ABLIM1: variants seen among roughly 807,000 people sequenced by gnomAD.
The protein encoded by ABLIM1 is actin binding LIM protein 1.
In ABLIM1, 40 loss-of-function variants were observed where a neutral mutation model predicts 107.0. The observed-to-expected ratio is 0.37, with a 90% CI of 0.29 to 0.49. The LOEUF is 0.49. Among genes scored for constraint, ABLIM1 ranks in the 20% least tolerant of loss-of-function variants. The pLI, the probability that ABLIM1 is intolerant of heterozygous loss-of-function variation, is 0.97. For synonymous variants in ABLIM1, 357 were observed against 357.3 expected (o/e 1.00, Z 0.01); for missense variants, 857 against 1,008.5 (o/e 0.85, Z 2.04).
chr10:114,726,617 C>G (rs572002761), intron 1 of ABLIM1, among the ~76,000 whole-genome samples: 21 of 152,146 alleles, frequency 1.4e-4, no homozygotes, highest in African/African-American at 4.6e-4. Context: ...CCCGTCTCCA[C>G]TAAAAATACA....
rs184649874 is a variant in ABLIM1 at position 114,542,420 on chromosome 10, A to G, written c.894+2585T>C. On this transcript the variant is annotated intron_variant, in intron 6 of 22. Transcript: ENST00000533213. ...GCAAAACCTTGTCTCTAAAAAAAAA[A>G]AAGAAAGAAAGAAAAAAGAAAAAAA... 1.0e-3 allele frequency among the ~76,000 whole-genome samples: 150 copies of G among 148,744 alleles called. 2 individuals are homozygous for G. Among genetic ancestry groups the G allele is most frequent in the African/African-American group, 3.6e-3 (141 of 38,988 alleles).
At chr10:114,609,020 A>G (rs2076629226) in intron 1 of ABLIM1, among the ~76,000 whole-genome samples, 1 of 151,954 alleles carries the variant, frequency 6.6e-6, no homozygotes, top group Non-Finnish European at 1.5e-5. Context: ...AAAAAAAAAA[A>G]GTTCCAAATA....
chr10:114,707,625 C>T lies in ABLIM1; in HGVS notation c.-213+60436G>A, dbSNP rs2081450050. On this transcript the variant is annotated intron_variant, in intron 1 of 15. Transcript: ENST00000651092. This position sits in a 1 kb window ranked among gnomAD's most constrained non-coding sequence, Gnocchi z 4.1. ...CATAAAAAACTAATTACCGGCCGGG[C>T]ACGGTGGCTCACACTTATAATCCCA... Among the ~76,000 whole-genome samples the T allele has an allele frequency of 6.6e-6, 1 of 152,094 alleles. No homozygotes were observed. Among genetic ancestry groups the T allele is most frequent in the Admixed American group, 6.6e-5 (1 of 15,264 alleles).
intron 1 of ABLIM1, among the ~76,000 whole-genome samples, chr10:114,650,589 A>G (rs1336168042): frequency 1.3e-5 from 2 of 151,902 alleles, no homozygotes; most frequent in Non-Finnish European, 2.9e-5. Context: ...GCAACCATCA[A>G]TAAAACAAAA....
chr10:114,756,504 A>G (rs570648045), intron 1 of ABLIM1, among the ~76,000 whole-genome samples: 2 of 152,290 alleles, frequency 1.3e-5, no homozygotes, highest in African/African-American at 4.8e-5. Context: ...AGGGGAGATG[A>G]ACATTTTTAT....
intron 3 of ABLIM1, among the ~76,000 whole-genome samples, chr10:114,574,630 C>T (rs1415114381): frequency 2.6e-5 from 4 of 151,976 alleles, no homozygotes; most frequent in Non-Finnish European, 5.9e-5. Flanking sequence ...TTAGTAGAGA[C>T]AGGGTTTCAC....
chr10:114,580,854 G>C (rs1253799125), intron 2 of ABLIM1, among the ~76,000 whole-genome samples: 2 of 152,134 alleles, frequency 1.3e-5, no homozygotes, highest in African/African-American at 4.8e-5. Context: ...TACTTTGGGT[G>C]CTCCATTAGT....
intron 6 of ABLIM1, among the ~76,000 whole-genome samples, chr10:114,506,891 A>G (rs1374653672): frequency 1.3e-5 from 2 of 152,192 alleles, no homozygotes; most frequent in Non-Finnish European, 2.9e-5. Flanking sequence ...GTTCTAAAAT[A>G]AATCTTAAAG....
At position 114,473,870 on chromosome 10, in the gene ABLIM1, G is replaced by C. The variant is rs150657352; in HGVS notation, c.1119+9C>G. On this transcript the variant is annotated intron_variant, in intron 9 of 22. Transcript: ENST00000533213. ...CCCAGAAATGTCACTTCCAGAAGTA[G>C]ATACTTACATAGATAGTATGACCTG... 1,092 of 1,599,926 alleles carry C rather than the reference G, an allele frequency of 6.8e-4. 1 individual carries two copies. The highest frequency in any genetic ancestry group is 8.5e-4 in the Non-Finnish European group (991 of 1,168,814).
the ABLIM1 span, among the ~76,000 whole-genome samples, chr10:114,787,860 T>A: frequency 6.8e-6 from 1 of 147,706 alleles, no homozygotes; most frequent in Admixed American, 6.8e-5. Flanking sequence ...CGGGCCATGA[T>A]GACAATGGCA....
At chr10:114,637,561 C>T (rs981665459) in intron 1 of ABLIM1, among the ~76,000 whole-genome samples, 3 of 152,206 alleles carry the variant, frequency 2.0e-5, no homozygotes, top group African/African-American at 4.8e-5. Flanking sequence ...TGTATCCAAA[C>T]TTCTCCATGG....
At chr10:114,715,437 TA>T (rs2081640859) in intron 1 of ABLIM1, among the ~76,000 whole-genome samples, 1 of 152,186 alleles carries the variant, frequency 6.6e-6, no homozygotes, top group African/African-American at 2.4e-5. Context: ...CTTTCCTTAG[TA>T]AGAACCCATT....
intron 6 of ABLIM1, among the ~76,000 whole-genome samples, chr10:114,517,452 C>A (rs1032286899): frequency 6.6e-6 from 1 of 152,086 alleles, no homozygotes; most frequent in Admixed American, 6.5e-5. Flanking sequence ...CCCAGAAGAA[C>A]CCCCACTCCA....
At chr10:114,556,534 C>T (rs1043271067) in intron 4 of ABLIM1, among the ~76,000 whole-genome samples, 1 of 152,144 alleles carries the variant, frequency 6.6e-6, no homozygotes, top group African/African-American at 2.4e-5. Flanking sequence ...CATGAGTTTG[C>T]AACACATGGA....
chr10:114,616,149 A>G (rs762519265), intron 1 of ABLIM1, among the ~76,000 whole-genome samples: 21 of 152,204 alleles, frequency 1.4e-4, no homozygotes, highest in Non-Finnish European at 2.6e-4. Context: ...CTTGGGAGAC[A>G]TAGCAAGACC....
chr10:114,639,823 G>C (rs2078656004), intron 1 of ABLIM1, among the ~76,000 whole-genome samples: 1 of 152,222 alleles, frequency 6.6e-6, no homozygotes, highest in East Asian at 1.9e-4. Flanking sequence ...TGCAGTTTGT[G>C]TGTTTGCTAT....
chr10:114,468,082 T>C, intron 11 of ABLIM1, 99 bp downstream of exon 11: 2 of 1,122,300 alleles, frequency 1.8e-6, no homozygotes, highest in Non-Finnish European at 2.7e-6. Context: ...TTTCTGTTCT[T>C]TTGTATGTTA....
chr10:114,458,908 C>T (rs2063331242), intron 12 of ABLIM1, among the ~76,000 whole-genome samples: 1 of 152,056 alleles, frequency 6.6e-6, no homozygotes, highest in South Asian at 2.1e-4. Context: ...TCCAAATGGC[C>T]CAAAGATATA....
intron 9 of ABLIM1, 24 bp from the exon 10 acceptor site, chr10:114,473,156 CA>C: frequency 6.3e-7 from 1 of 1,598,190 alleles, no homozygotes; most frequent in Non-Finnish European, 8.5e-7. Context: ...CCAGAAAGAA[CA>C]ATTACCTTGT....
Sources: allele counts gnomAD v4.1 joint callset (sites outside exome capture counted in the v4.1 genomes callset), GRCh38; gene constraint gnomAD v4.1.1; non-coding constraint Gnocchi (gnomAD v3.1); transcripts MANE v1.5; gene names NCBI Gene and HGNC (gene_info 2026-07-23, HGNC 2026-07-21).